OSBPL10: variants seen among roughly 807,000 people sequenced by gnomAD.
OSBPL10 encodes oxysterol binding protein like 10.
A neutral mutation model predicts 81.7 loss-of-function variants in OSBPL10; 49 were observed. The observed-to-expected ratio is 0.60, with a 90% CI of 0.48 to 0.76. The LOEUF (loss-of-function observed/expected upper bound fraction) is 0.76, where lower values mean the gene tolerates loss of function less well. OSBPL10 is among the 30% of genes least tolerant of loss of function. OSBPL10 has a pLI of 0.00. For missense variants in OSBPL10, 923 were observed against 987.8 expected (o/e 0.93, Z 0.88); for synonymous variants, 419 against 383.6 (o/e 1.09, Z -1.08).
chr3:31,945,149 CAAAAA>C (rs71628589), intron 1 of OSBPL10, among the ~76,000 whole-genome samples: 6 of 81,630 alleles, frequency 7.4e-5, no homozygotes, highest in Admixed American at 4.3e-4. Context: ...GACTCCGTCT[CAAAAA>C]AAAAAAAAAA....
intron 3 of OSBPL10, among the ~76,000 whole-genome samples, chr3:31,845,773 G>A (rs1307807523): frequency 6.6e-6 from 1 of 152,066 alleles, no homozygotes; most frequent in African/African-American, 2.4e-5. Flanking sequence ...AGGGCAACAT[G>A]GGCAAACCGA....
At chr3:32,041,014 C>T (rs1699569509) in intron 2 of OSBPL10, among the ~76,000 whole-genome samples, 1 of 152,140 alleles carries the variant, frequency 6.6e-6, no homozygotes. Context: ...TCAGGAATAA[C>T]ACAGATGCAA....
At chr3:31,663,921 C>T in intron 11 of OSBPL10, 158 bp downstream of exon 11, 1 of 1,543,408 alleles carries the variant, frequency 6.5e-7, no homozygotes, top group Non-Finnish European at 8.7e-7. Flanking sequence ...TGTCCTGAAG[C>T]CTTGTCCAAA....
At chr3:31,908,325 T>G in intron 1 of OSBPL10, among the ~76,000 whole-genome samples, 1 of 152,238 alleles carries the variant, frequency 6.6e-6, no homozygotes, top group South Asian at 2.1e-4. Context: ...GAATGATGCT[T>G]GGGTGGGTGG....
chr3:31,843,479 G>A (rs982950228), intron 3 of OSBPL10, among the ~76,000 whole-genome samples: 1 of 152,130 alleles, frequency 6.6e-6, no homozygotes, highest in African/African-American at 2.4e-5. Flanking sequence ...TACTCTTCCG[G>A]GATGACATTC....
intron 6 of OSBPL10, among the ~76,000 whole-genome samples, chr3:31,705,695 G>A (rs1452591377): frequency 6.6e-6 from 1 of 152,138 alleles, no homozygotes; most frequent in East Asian, 1.9e-4. Context: ...AGGTCCCCGT[G>A]CTTATCCACA....
chr3:31,689,547 T>C (rs1271054602), intron 7 of OSBPL10, among the ~76,000 whole-genome samples: 1 of 152,190 alleles, frequency 6.6e-6, no homozygotes, highest in African/African-American at 2.4e-5. Context: ...TTTGGCTGTG[T>C]CCCCACCCAA....
intron 1 of OSBPL10, among the ~76,000 whole-genome samples, chr3:31,965,918 TATATA>T (rs1229810044): frequency 8.6e-6 from 1 of 116,512 alleles, no homozygotes; most frequent in African/African-American, 3.4e-5. Flanking sequence ...AAATAGATAA[TATATA>T]ATATATATTA....
At chr3:31,785,349 G>A (rs1283335957) in intron 4 of OSBPL10, among the ~76,000 whole-genome samples, 1 of 152,190 alleles carries the variant, frequency 6.6e-6, no homozygotes, top group Non-Finnish European at 1.5e-5. Flanking sequence ...TAACTTGAAA[G>A]AAAAGAGTAT....
At chr3:31,697,367 T>G (rs1695755057) in intron 7 of OSBPL10, among the ~76,000 whole-genome samples, 1 of 133,550 alleles carries the variant, frequency 7.5e-6, no homozygotes, top group Non-Finnish European at 1.6e-5. Flanking sequence ...CATTCCAGAT[T>G]GCATAACCAT....
intron 2 of OSBPL10, among the ~76,000 whole-genome samples, chr3:32,029,067 G>C (rs992046187): frequency 6.6e-6 from 1 of 151,236 alleles, no homozygotes; most frequent in Admixed American, 6.6e-5. Flanking sequence ...GGTCACAGCC[G>C]GCACCAGTGA....
chr3:31,717,227 C>T (rs917465652), intron 6 of OSBPL10: 6 of 152,074 alleles, frequency 3.9e-5, no homozygotes, highest in Admixed American at 3.3e-4. Context: ...AGGGTAGCAG[C>T]CCAGTCTTTA....
At chr3:32,054,235 A>T (rs192054870) in intron 1 of OSBPL10, among the ~76,000 whole-genome samples, 1 of 152,290 alleles carries the variant, frequency 6.6e-6, no homozygotes, top group Admixed American at 6.5e-5. Flanking sequence ...TCATTTTCTA[A>T]ATTATGTCTT....
chr3:31,746,570 C>T (rs1213993398), intron 5 of OSBPL10, among the ~76,000 whole-genome samples: 1 of 151,272 alleles, frequency 6.6e-6, no homozygotes, highest in Non-Finnish European at 1.5e-5. Flanking sequence ...TCCAGCTACT[C>T]GAGAGGCTGA....
rs372362684 is a variant in OSBPL10, at chr3:32,000,859, C to A, written n.298+45632G>T. Among the ~76,000 whole-genome samples the A allele has an allele frequency of 1.1e-4, 17 of 152,298 alleles. No individual in the cohort carries two copies. In the East Asian group the frequency reaches 2.1e-3, roughly 19 times the overall value. The stretch of plus-strand genomic sequence containing the variant: ...ATACCTTTCTCTTCCATGGCCACAA[C>A]TGAATACTCTAAGACGTGCAGCTTT... On this transcript the variant is annotated intron_variant and non_coding_transcript_variant, in intron 2 of 3. Coordinates refer to the OSBPL10 transcript ENST00000479173.
intron 6 of OSBPL10, chr3:31,707,218 T>C (rs1053851026): frequency 6.6e-6 from 1 of 152,208 alleles, no homozygotes; most frequent in Admixed American, 6.5e-5. Context: ...AAACCAGGAA[T>C]CACAGACATG....
At chr3:31,826,965 T>C (rs1477952525) in intron 4 of OSBPL10, among the ~76,000 whole-genome samples, 2 of 152,190 alleles carry the variant, frequency 1.3e-5, no homozygotes, top group Non-Finnish European at 2.9e-5. Context: ...CAATCTTACT[T>C]AAATTTTGAG....
chr3:31,945,811 C>A (rs751210279), intron 1 of OSBPL10, among the ~76,000 whole-genome samples: 5 of 152,078 alleles, frequency 3.3e-5, no homozygotes, highest in African/African-American at 4.8e-5. Flanking sequence ...AGCCTGTGAC[C>A]CCTGGTCTGG....
chr3:31,833,020 C>T (rs1190774783), intron 3 of OSBPL10, among the ~76,000 whole-genome samples: 2 of 152,136 alleles, frequency 1.3e-5, no homozygotes, highest in Non-Finnish European at 2.9e-5. Context: ...TTGACTTGGA[C>T]ATAATGAATT....
Sources: gnomAD v4.1 joint callset for allele counts (sites outside exome capture counted in the v4.1 genomes callset) on GRCh38, gnomAD v4.1.1 for gene constraint, MANE v1.5 for transcripts, NCBI Gene and HGNC (gene_info 2026-07-23, HGNC 2026-07-21) for gene names.